Variants in IDH3G observed in about 807,000 individuals in gnomAD.
IDH3G encodes isocitrate dehydrogenase (NAD(+)) 3 non-catalytic subunit gamma.
Under a neutral mutation model 26.9 loss-of-function variants are expected in IDH3G, and 9 were observed. The observed-to-expected ratio is 0.34, with a 90% CI of 0.20 to 0.58. IDH3G has a LOEUF of 0.58. Ranked by LOEUF, IDH3G falls within the 20% of genes least tolerant of loss-of-function variation. The pLI is 0.85. For missense variants in IDH3G, 250 were observed against 372.8 expected, an observed-to-expected ratio of 0.67 and a Z score of 2.71; for synonymous variants, 181 against 160.0, an observed-to-expected ratio of 1.13 and a Z score of -0.99.
intron 1 of IDH3G, among the ~76,000 whole-genome samples, chrX:153,792,867 A>G (rs2092114768): frequency 8.9e-6 from 1 of 112,371 alleles, no homozygotes; most frequent in Non-Finnish European, 1.9e-5. Context: ...GTGAGGCAGG[A>G]TGCAATATGT....
At position 153,794,314 on chromosome X, in the gene IDH3G, C is replaced by T; in HGVS notation, c.13G>A (p.Val5Ile). The T allele has an allele frequency of 8.4e-7, 1 of 1,197,218 alleles. No homozygotes were observed. Among genetic ancestry groups the T allele is most frequent in the East Asian group, 3.0e-5 (1 of 33,409 alleles). ...GCGGCGCTGCCGGCGACGGTCGCTA[C>T]CTTCAGCGCCATGACGGAAAGTGAG... is the stretch of plus-strand genomic sequence containing the variant. MALK[V>I]ATVAGSAAKA... The change falls in exon 1 of 13, where the codon GTA becomes ATA. Residue 5 changes from valine to isoleucine, a missense_variant. Transcript: ENST00000217901.
chrX:153,787,215 G>A, intron 8 of IDH3G, 62 bp from the exon 9 acceptor site: 2 of 943,250 alleles, frequency 2.1e-6, no homozygotes, highest in Non-Finnish European at 3.0e-6. Context: ...CAGAGGGACG[G>A]GGCGTGCAGA....
At chrX:153,788,848 A>C (rs1448954541) in intron 5 of IDH3G, among the ~76,000 whole-genome samples, 1 of 112,718 alleles carries the variant, frequency 8.9e-6, no homozygotes, top group Non-Finnish European at 1.9e-5. Context: ...GAGTGTGCAA[A>C]ATGAGCAATG....
intron 5 of IDH3G, among the ~76,000 whole-genome samples, chrX:153,788,822 G>A (rs1440030855): frequency 6.2e-5 from 7 of 112,992 alleles, no homozygotes; most frequent in African/African-American, 1.3e-4. Flanking sequence ...TCCTCACACA[G>A]TGCAAGTAAT....
intron 1 of IDH3G, chrX:153,793,538 G>T (rs1557070998): frequency 8.9e-6 from 1 of 112,236 alleles, no homozygotes; most frequent in African/African-American, 3.2e-5. Flanking sequence ...CTCAGTGTGG[G>T]AGCATGGCCT....
At chrX:153,789,648 A>G in intron 5 of IDH3G, 64 bp downstream of exon 5, 1 of 649,221 alleles carries the variant, frequency 1.5e-6, no homozygotes, top group Non-Finnish European at 2.4e-6. Context: ...CAAGAAACGA[A>G]GGAAGAAAGC....
At chrX:153,786,650 G>T in intron 10 of IDH3G, 151 bp downstream of exon 10, 2 of 680,019 alleles carry the variant, frequency 2.9e-6, no homozygotes, top group South Asian at 2.7e-5. Flanking sequence ...GTTCTGGAAT[G>T]ACCTGGTGGT....
In IDH3G at chrX:153,794,284, C is replaced by T. The variant is rs1216490979; in HGVS notation, c.43G>A (p.Ala15Thr). ...CAGAGAAGGGCTGGCCCGAGCACCG[C>T]CTTCGCGGCGCTGCCGGCGACGGTC... ...VATVAGSAAK[A>T]VLGPALLCRP... Residue 15 changes from alanine to threonine, a missense_variant, in exon 1 of 13, where the codon GCG becomes ACG. Ala to Thr is a moderately conservative substitution (Grantham distance 58). Coordinates refer to ENST00000217901, the MANE Select transcript of IDH3G (RefSeq NM_004135.4). The T allele has an allele frequency of 2.5e-6, 3 of 1,199,861 alleles. No individual in the cohort carries two copies. Among genetic ancestry groups the T allele is most frequent in the Non-Finnish European group, 3.4e-6 (3 of 890,972 alleles).
chrX:153,793,370 A>G (rs1450127138), intron 1 of IDH3G: 1 of 112,192 alleles, frequency 8.9e-6, no homozygotes, highest in African/African-American at 3.2e-5. Flanking sequence ...AAACATGGCA[A>G]GTAGAGATGT....
Position 153,786,799 on chromosome X carries a change from A to G in IDH3G, c.924+2T>C. The G allele has an allele frequency of 8.3e-7, 1 of 1,199,281 alleles. No individual in the cohort carries two copies. Among genetic ancestry groups the G allele is most frequent in the Non-Finnish European group, 1.1e-6 (1 of 886,306 alleles). On this transcript the variant is annotated splice_donor_variant, in intron 10 of 12. Coordinates refer to ENST00000217901, the MANE Select transcript of IDH3G (RefSeq NM_004135.4). LOFTEE classifies it high-confidence loss of function. ...AGCCGCGGCACTGCCACCGGCACTC[A>G]CTGTTTCAAACACCGCGTACACATG... is the stretch of plus-strand genomic sequence containing the variant.
intron 1 of IDH3G, chrX:153,791,323 G>C (rs782751489): frequency 1.6e-5 from 2 of 121,300 alleles, no homozygotes; most frequent in Admixed American, 8.7e-5. Flanking sequence ...AGAAAAAGCA[G>C]AATAGGGAGA....
intron 5 of IDH3G, among the ~76,000 whole-genome samples, chrX:153,788,549 C>A (rs1432517951): frequency 8.9e-6 from 1 of 112,900 alleles, no homozygotes; most frequent in African/African-American, 3.2e-5. Context: ...CACTCAGAGG[C>A]AGGCGGGGGC....
chrX:153,793,992 C>G, intron 1 of IDH3G: 1 of 321,917 alleles, frequency 3.1e-6, no homozygotes, highest in Non-Finnish European at 5.4e-6. Flanking sequence ...TGACAGCCGC[C>G]GTGGCCCACT....
intron 8 of IDH3G, 150 bp from the exon 9 acceptor site, chrX:153,787,303 T>A: frequency 1.3e-6 from 1 of 779,123 alleles, no homozygotes; most frequent in Non-Finnish European, 1.9e-6. Context: ...CCACCTCCCC[T>A]AAGTGTGGGT....
At chrX:153,787,376 G>A (rs1201195387) in intron 8 of IDH3G, 88 bp downstream of exon 8, 3 of 1,112,967 alleles carry the variant, frequency 2.7e-6, no homozygotes, top group Non-Finnish European at 3.6e-6. Context: ...GGGTAGCTGG[G>A]CTTTTGGACC....
chrX:153,793,549 A>G (rs952394238), intron 1 of IDH3G: 6 of 112,324 alleles, frequency 5.3e-5, no homozygotes, highest in African/African-American at 1.9e-4. Context: ...AGCATGGCCT[A>G]GAGGTCAAAC....
chrX:153,786,024 T>C (rs782025533), intron 12 of IDH3G, 51 bp from the exon 13 acceptor site: 3 of 1,208,801 alleles, frequency 2.5e-6, no homozygotes, highest in South Asian at 1.8e-5. Context: ...CACCCCCCGC[T>C]GTCTCCTGTG....
At chrX:153,786,650 G>C in intron 10 of IDH3G, 151 bp downstream of exon 10, 1 of 680,023 alleles carries the variant, frequency 1.5e-6, no homozygotes, top group African/African-American at 2.1e-5. Flanking sequence ...GTTCTGGAAT[G>C]ACCTGGTGGT....
At chrX:153,788,000 T>A in intron 6 of IDH3G, 45 bp from the exon 7 acceptor site, 1 of 1,210,186 alleles carries the variant, frequency 8.3e-7, no homozygotes, top group African/African-American at 1.7e-5. Context: ...GACAGGTGGC[T>A]GACTGGAGCC....
Sources: allele counts gnomAD v4.1 joint callset (sites outside exome capture counted in the v4.1 genomes callset), GRCh38; gene constraint gnomAD v4.1.1; transcripts MANE v1.5; gene names NCBI Gene and HGNC (gene_info 2026-07-23, HGNC 2026-07-21).